The following ADCK1 variants were observed in gnomAD, a reference collection of about 807,000 sequenced individuals.
ADCK1 encodes the protein aarF domain-containing protein kinase 1.
ADCK1 carries 41 observed loss-of-function variants against 52.3 expected under a neutral mutation model. That is an observed-to-expected ratio of 0.78 (90% confidence interval 0.61 to 1.02). The LOEUF is 1.02. Ranked by LOEUF, ADCK1 falls within the 50% of genes least tolerant of loss-of-function variation. ADCK1 has a pLI of 0.00. For missense variants in ADCK1, 658 were observed against 679.5 expected, an observed-to-expected ratio of 0.97 and a Z score of 0.35; for synonymous variants, 250 against 274.6, an observed-to-expected ratio of 0.91 and a Z score of 0.89.
chr14:77,816,387 C>T (rs1170551846), intron 1 of ADCK1, among the ~76,000 whole-genome samples: 3 of 151,528 alleles, frequency 2.0e-5, no homozygotes, highest in African/African-American at 7.3e-5. Context: ...CTCTCACCTG[C>T]CCCAAGGCAG....
At chr14:77,922,971 G>GCAGAGT (rs2084098503) in intron 7 of ADCK1, among the ~76,000 whole-genome samples, 1 of 152,194 alleles carries the variant, frequency 6.6e-6, no homozygotes. Flanking sequence ...CACGTTGAAC[G>GCAGAGT]CAGAGTCGTA....
At chr14:77,905,303 G>GTTT (rs1566722295) in intron 6 of ADCK1, among the ~76,000 whole-genome samples, 8 of 65,372 alleles carry the variant, frequency 1.2e-4, no homozygotes, top group South Asian at 1.2e-3. Flanking sequence ...TTTCCTAGCT[G>GTTT]GTTTTTTTTT....
intron 3 of ADCK1, among the ~76,000 whole-genome samples, chr14:77,855,439 A>G (rs1288524999): frequency 6.6e-6 from 1 of 152,178 alleles, no homozygotes; most frequent in Non-Finnish European, 1.5e-5. Context: ...TGAAATTGGG[A>G]TGTAGCCTGA....
At chr14:77,897,887 C>T (rs1479722081) in intron 5 of ADCK1, among the ~76,000 whole-genome samples, 1 of 152,168 alleles carries the variant, frequency 6.6e-6, no homozygotes, top group African/African-American at 2.4e-5. Context: ...AGAGCAAGGG[C>T]TGTAGAGTTG....
chr14:77,840,666 G>A (rs1386679113), intron 3 of ADCK1, among the ~76,000 whole-genome samples: 2 of 152,000 alleles, frequency 1.3e-5, no homozygotes, highest in Non-Finnish European at 1.5e-5. Flanking sequence ...TGGACAACAT[G>A]GTGAAACCCT....
At chr14:77,928,298 G>A (rs1329353627) in intron 9 of ADCK1, among the ~76,000 whole-genome samples, 2 of 152,116 alleles carry the variant, frequency 1.3e-5, no homozygotes, top group African/African-American at 2.4e-5. Flanking sequence ...GATGTCATGG[G>A]CAGCTAAGAC....
intron 3 of ADCK1, among the ~76,000 whole-genome samples, chr14:77,844,719 A>G (rs1233311255): frequency 6.6e-6 from 1 of 152,240 alleles, no homozygotes; most frequent in Non-Finnish European, 1.5e-5. Flanking sequence ...CATAGAGACA[A>G]TAATCTACTT....
At chr14:77,899,409 G>A in intron 6 of ADCK1, 151 bp downstream of exon 6, 1 of 1,096,508 alleles carries the variant, frequency 9.1e-7, no homozygotes, top group African/African-American at 1.6e-5. Context: ...CACTGGTGAT[G>A]TGCATTAAAT....
At chr14:77,843,529 C>A (rs1227668034) in intron 3 of ADCK1, among the ~76,000 whole-genome samples, 1 of 152,136 alleles carries the variant, frequency 6.6e-6, no homozygotes, top group Non-Finnish European at 1.5e-5. Flanking sequence ...CTTTCCAGAC[C>A]AAAGAGTACA....
At chr14:77,833,664 A>G (rs1284770582) in intron 3 of ADCK1, among the ~76,000 whole-genome samples, 1 of 152,180 alleles carries the variant, frequency 6.6e-6, no homozygotes, top group Non-Finnish European at 1.5e-5. Context: ...CTGTAGGAGT[A>G]GGTTCTTGAG....
At chr14:77,930,822 G>A (rs1466294814) in intron 9 of ADCK1, among the ~76,000 whole-genome samples, 1 of 152,190 alleles carries the variant, frequency 6.6e-6, no homozygotes, top group Admixed American at 6.5e-5. Context: ...CTGAAAAGGG[G>A]TCAGAACCAC....
intron 1 of ADCK1, among the ~76,000 whole-genome samples, chr14:77,811,368 T>C (rs1187289976): frequency 6.6e-6 from 1 of 152,138 alleles, no homozygotes; most frequent in East Asian, 1.9e-4. Context: ...TTATCCCCTT[T>C]GTGTATGGAC....
intron 6 of ADCK1, among the ~76,000 whole-genome samples, chr14:77,904,938 C>T (rs907527508): frequency 2.0e-5 from 3 of 152,042 alleles, no homozygotes; most frequent in Non-Finnish European, 4.4e-5. Context: ...GAAATGTGGG[C>T]GCTCACTTCA....
At chr14:77,816,613 C>G (rs1344932876) in intron 1 of ADCK1, among the ~76,000 whole-genome samples, 1 of 152,012 alleles carries the variant, frequency 6.6e-6, no homozygotes, top group Admixed American at 6.6e-5. Context: ...GTTAACTGAC[C>G]CTGCACATCT....
At position 77,893,739 on chromosome 14, in the gene ADCK1, T is replaced by TCCTTCCTTTC. The variant is rs57365647; in HGVS notation, c.583-5361_583-5360insCCTTCCTTTC. Among the ~76,000 whole-genome samples, 40 of 108,120 alleles carry TCCTTCCTTTC rather than the reference T, an allele frequency of 3.7e-4. 1 individual carries two copies. The highest frequency in any genetic ancestry group is 5.0e-4 in the East Asian group (2 of 4,022). The allele number at this position is 108,120 out of a possible 152,430, so 70.9% of individuals were successfully genotyped here. ...TTGTTTCTTCCCTTCCTTCCTTCCT[T>TCCTTCCTTTC]TTTTTTTTTTTTTTGACAGAGTCTC... is the stretch of plus-strand genomic sequence containing the variant. On this transcript the variant is annotated intron_variant, in intron 5 of 10. Transcript: ENST00000238561.
At chr14:77,826,358 C>G (rs2081705727) in intron 3 of ADCK1, among the ~76,000 whole-genome samples, 2 of 114,256 alleles carry the variant, frequency 1.8e-5, no homozygotes, top group African/African-American at 6.6e-5. Flanking sequence ...CAGAGTATGT[C>G]AGAGCCAGGA....
At chr14:77,894,575 A>C (rs2140227149) in intron 5 of ADCK1, among the ~76,000 whole-genome samples, 1 of 152,190 alleles carries the variant, frequency 6.6e-6, no homozygotes, top group South Asian at 2.1e-4. Context: ...GTTTTCTACT[A>C]TGTAAAATTG....
At chr14:77,890,666 A>C (rs1448253381) in intron 5 of ADCK1, among the ~76,000 whole-genome samples, 3 of 152,234 alleles carry the variant, frequency 2.0e-5, no homozygotes, top group African/African-American at 7.2e-5. Context: ...AAATCAGTAA[A>C]GCACTGGAAA....
intron 2 of ADCK1, among the ~76,000 whole-genome samples, 179 bp downstream of exon 2, chr14:77,819,292 A>C (rs145351510): frequency 6.6e-6 from 1 of 152,256 alleles, no homozygotes; most frequent in East Asian, 1.9e-4. Context: ...ATATTCCTTT[A>C]TTCCTGAACA....
Sources: gnomAD v4.1 joint callset for allele counts (sites outside exome capture counted in the v4.1 genomes callset) on GRCh38, gnomAD v4.1.1 for gene constraint, MANE v1.5 for transcripts, NCBI Gene and HGNC (gene_info 2026-07-23, HGNC 2026-07-21) for gene names.